The following CNTN4 variants were observed in gnomAD, a reference collection of about 807,000 sequenced individuals.
CNTN4 encodes contactin 4, also known as contactin-4.
In CNTN4, 77 loss-of-function variants were observed where a neutral mutation model predicts 122.5. The observed-to-expected ratio is 0.63, with a 90% CI of 0.52 to 0.76. The LOEUF (loss-of-function observed/expected upper bound fraction) is 0.76. Among genes scored for constraint, CNTN4 ranks in the 30% least tolerant of loss-of-function variants. CNTN4 has a pLI of 0.00. For synonymous variants in CNTN4, 512 were observed against 447.0 expected (o/e 1.15, Z -1.83); for missense variants, 1,256 against 1,259.1 (o/e 1.00, Z 0.04).
intron 4 of CNTN4, among the ~76,000 whole-genome samples, chr3:2,692,804 G>C (rs542038696): frequency 1.3e-5 from 2 of 151,958 alleles, no homozygotes; most frequent in Non-Finnish European, 2.9e-5. Flanking sequence ...ATGAACAAAA[G>C]ACCTCTCATT....
chr3:2,373,873 A>G (rs1057447382), intron 3 of CNTN4, among the ~76,000 whole-genome samples: 5 of 152,208 alleles, frequency 3.3e-5, no homozygotes, highest in African/African-American at 1.2e-4. Flanking sequence ...AATTATTGGA[A>G]ATTCATTGCA....
intron 2 of CNTN4, among the ~76,000 whole-genome samples, chr3:2,111,628 T>C (rs73011402): frequency 0.038 from 5,770 of 152,224 alleles, 158 homozygotes; most frequent in Middle Eastern, 0.092. Flanking sequence ...CTCTACTACT[T>C]ATGTATTTAG....
chr3:2,337,803 C>CA (rs71301183), intron 2 of CNTN4, among the ~76,000 whole-genome samples: 11,695 of 151,882 alleles, frequency 0.077, 509 homozygotes, highest in Middle Eastern at 0.085. Flanking sequence ...TTTGAAAAAA[C>CA]AAAAAACTTT....
Position 2,571,405 on chromosome 3 carries a change from C to G in CNTN4, c.-88-11C>G. The G allele has an allele frequency of 1.2e-6, 1 of 852,684 alleles. No individual in the cohort carries two copies. The highest frequency in any genetic ancestry group is 2.0e-6 in the Non-Finnish European group (1 of 493,252). 52.8% of individuals were successfully genotyped at this position (852,684 alleles called of 1,614,324 possible). On this transcript the variant is annotated splice_polypyrimidine_tract_variant and intron_variant, in intron 3 of 24. Coordinates refer to ENST00000418658, the MANE Select transcript of CNTN4 (RefSeq NM_175607.3). ...CCCAAATCTCATTGTAATGTCTCTTCTTTCCCACAGATTAAAGGTTATACA... is the reference window on the plus strand; with the variant it reads ...CCCAAATCTCATTGTAATGTCTCTTGTTTCCCACAGATTAAAGGTTATACA...
At chr3:2,274,543 C>A (rs2149840421) in intron 2 of CNTN4, among the ~76,000 whole-genome samples, 1 of 151,908 alleles carries the variant, frequency 6.6e-6, no homozygotes, top group African/African-American at 2.4e-5. Flanking sequence ...AGTCTGGCTA[C>A]TTACTTTTCT....
At chr3:2,932,373 G>A (rs139636551) in intron 13 of CNTN4, among the ~76,000 whole-genome samples, 1,647 of 152,146 alleles carry the variant, frequency 0.011, 31 homozygotes, top group African/African-American at 0.037. Flanking sequence ...GCGAGACTCC[G>A]TCTCAAAAAA....
chr3:2,495,717 G>T (rs978681549), intron 3 of CNTN4, among the ~76,000 whole-genome samples: 1 of 152,170 alleles, frequency 6.6e-6, no homozygotes, highest in Non-Finnish European at 1.5e-5. Context: ...ACTAATGCCT[G>T]ATGACCTGAG....
At chr3:2,915,893 C>T (rs1170446501) in intron 12 of CNTN4, among the ~76,000 whole-genome samples, 1 of 152,128 alleles carries the variant, frequency 6.6e-6, no homozygotes, top group Non-Finnish European at 1.5e-5. Context: ...ATGAATGAAC[C>T]TTGAGGACAT....
At chr3:2,657,329 G>A (rs1397199357) in intron 4 of CNTN4, among the ~76,000 whole-genome samples, 6 of 152,096 alleles carry the variant, frequency 3.9e-5, no homozygotes, top group Non-Finnish European at 8.8e-5. Context: ...GTAACATGAG[G>A]CTTTTTATTA....
At chr3:2,216,304 A>G (rs1204198568) in intron 2 of CNTN4, among the ~76,000 whole-genome samples, 1 of 152,166 alleles carries the variant, frequency 6.6e-6, no homozygotes, top group East Asian at 1.9e-4. Flanking sequence ...CAAATACCAC[A>G]TGTTTTCACT....
intron 4 of CNTN4, among the ~76,000 whole-genome samples, chr3:2,655,113 A>G (rs1439010597): frequency 6.6e-6 from 1 of 152,188 alleles, no homozygotes; most frequent in East Asian, 1.9e-4. Flanking sequence ...CCTATAAGTG[A>G]TATAAATCCT....
chr3:2,187,041 A>T (rs1174515164), intron 2 of CNTN4, among the ~76,000 whole-genome samples: 2 of 152,102 alleles, frequency 1.3e-5, no homozygotes, highest in Non-Finnish European at 2.9e-5. Context: ...GTTTTCTTCT[A>T]AGGTTTTTTA....
At chr3:2,982,869 A>C (rs1694157893) in intron 13 of CNTN4, among the ~76,000 whole-genome samples, 1 of 152,166 alleles carries the variant, frequency 6.6e-6, no homozygotes, top group Admixed American at 6.5e-5. Flanking sequence ...AAAAGTAATG[A>C]TTTATTATGA....
chr3:2,670,228 A>C lies in CNTN4; in HGVS notation c.56-65987A>C, dbSNP rs1478472444. On this transcript the variant is annotated intron_variant, in intron 4 of 24. Transcript: ENST00000418658. ...CCCATTATTATTGTGTGGGAGTCTA[A>C]GTCCCTTTGTAGGTCTCTAAGGACT... Among the ~76,000 whole-genome samples the C allele has an allele frequency of 2.6e-5, 4 of 152,172 alleles. No homozygotes were observed. In the East Asian group the frequency reaches 5.8e-4, roughly 22 times the overall value.
chr3:2,373,088 G>C (rs1485796150), intron 3 of CNTN4, among the ~76,000 whole-genome samples: 4 of 150,658 alleles, frequency 2.7e-5, no homozygotes, highest in Non-Finnish European at 5.9e-5. Flanking sequence ...GACCTGAAAA[G>C]GGCTTTGTTT....
chr3:2,577,600 C>T (rs557058523), intron 4 of CNTN4, among the ~76,000 whole-genome samples: 1 of 152,246 alleles, frequency 6.6e-6, no homozygotes, highest in African/African-American at 2.4e-5. Context: ...TCTATCTGTA[C>T]ACATGGTTTG....
intron 3 of CNTN4, among the ~76,000 whole-genome samples, chr3:2,509,494 C>T (rs970467250): frequency 2.0e-5 from 3 of 152,096 alleles, no homozygotes; most frequent in Non-Finnish European, 4.4e-5. Context: ...TTTCTTTGTA[C>T]CCCACTTTGC....
At chr3:2,116,544 A>C (rs962047400) in intron 2 of CNTN4, among the ~76,000 whole-genome samples, 1 of 152,204 alleles carries the variant, frequency 6.6e-6, no homozygotes, top group Non-Finnish European at 1.5e-5. Context: ...TGTGATTCTG[A>C]TGTTCAGCCA....
At chr3:2,370,478 A>G (rs1008442956) in intron 3 of CNTN4, among the ~76,000 whole-genome samples, 3 of 152,188 alleles carry the variant, frequency 2.0e-5, no homozygotes, top group African/African-American at 7.2e-5. Context: ...GAGCATGGAT[A>G]GAGGAGGGAG....
Sources: allele counts gnomAD v4.1 joint callset (sites outside exome capture counted in the v4.1 genomes callset), GRCh38; gene constraint gnomAD v4.1.1; transcripts MANE v1.5; gene names NCBI Gene and HGNC (gene_info 2026-07-23, HGNC 2026-07-21).